Variants in MAP2K1 observed in about 807,000 individuals in gnomAD.
The protein encoded by MAP2K1 is dual specificity mitogen-activated protein kinase kinase 1.
Under a neutral mutation model 46.3 loss-of-function variants are expected in MAP2K1, and 16 were observed. That is an observed-to-expected ratio of 0.35 (90% CI 0.23 to 0.52). MAP2K1 has a LOEUF of 0.52. MAP2K1 is among the 20% of genes least tolerant of loss of function. The pLI is 0.94. For missense variants in MAP2K1, 263 were observed against 497.1 expected (o/e 0.53, Z 4.48); for synonymous variants, 183 against 185.6 (o/e 0.99, Z 0.11).
chr15:66,420,290 T>C (rs2140552487), intron 1 of MAP2K1, among the ~76,000 whole-genome samples: 1 of 147,716 alleles, frequency 6.8e-6, no homozygotes, highest in Middle Eastern at 3.6e-3. Context: ...CTTTCAGCCG[T>C]GCACAGTGGC....
chr15:66,405,592 ACTGGTTGC>A (rs1270772948), intron 1 of MAP2K1, among the ~76,000 whole-genome samples: 1 of 152,144 alleles, frequency 6.6e-6, no homozygotes, highest in Non-Finnish European at 1.5e-5. Context: ...AGTTTTTTGG[ACTGGTTGC>A]CTGTTAGATT....
rs191129863 is a variant in MAP2K1 at position 66,403,872 on chromosome 15, C to T, written c.80+16445C>T. The stretch of plus-strand genomic sequence containing the variant: ...CCCCCTTTGCTGCTTTCATACCACC[C>T]TTTAGTAAACAGTCCTCAAGAATGT... On this transcript the variant is annotated intron_variant, in intron 1 of 10. Transcript: ENST00000307102. Among the ~76,000 whole-genome samples the T allele has an allele frequency of 1.5e-3, 227 of 152,294 alleles. 1 individual carries two copies. The highest frequency in any genetic ancestry group is 5.3e-3 in the African/African-American group (220 of 41,552).
intron 3 of MAP2K1, among the ~76,000 whole-genome samples, chr15:66,440,838 A>T (rs1014758851): frequency 1.3e-5 from 2 of 152,186 alleles, no homozygotes; most frequent in Non-Finnish European, 2.9e-5. Flanking sequence ...GTTGCAGGCA[A>T]CCCTGGGGAA....
chr15:66,394,060 G>A (rs1158566396), intron 1 of MAP2K1, among the ~76,000 whole-genome samples: 2 of 152,156 alleles, frequency 1.3e-5, no homozygotes, highest in African/African-American at 4.8e-5. Flanking sequence ...TCATTGCTCA[G>A]TGTGTAGAAC....
At chr15:66,488,188 T>G (rs1350182870) in intron 8 of MAP2K1, among the ~76,000 whole-genome samples, 1 of 152,192 alleles carries the variant, frequency 6.6e-6, no homozygotes, top group Middle Eastern at 3.2e-3. Flanking sequence ...GAATGGATGC[T>G]GCCTCTGGAG....
intron 1 of MAP2K1, among the ~76,000 whole-genome samples, chr15:66,407,284 A>G (rs569574428): frequency 1.3e-4 from 20 of 152,250 alleles, no homozygotes; most frequent in Non-Finnish European, 2.6e-4. Flanking sequence ...GAAAAGCCCA[A>G]TTTCCCAATC....
intron 1 of MAP2K1, chr15:66,415,067 AC>A: frequency 2.0e-6 from 1 of 505,290 alleles, no homozygotes; most frequent in Admixed American, 2.0e-5. Flanking sequence ...TGCTTGTAGT[AC>A]CAGTAATAAC....
chr15:66,487,222 T>A lies in MAP2K1; in HGVS notation c.896-6T>A. On this transcript the variant is annotated splice_region_variant and splice_polypyrimidine_tract_variant and intron_variant, in intron 7 of 10. Coordinates refer to ENST00000307102, the MANE Select transcript of MAP2K1 (RefSeq NM_002755.4). ...GAAGTATTTTTTCTTTTTATAAAAT[T>A]TGTAGCATACGGAATGGACAGCCGA... 2 of 1,613,588 alleles carry A rather than the reference T, an allele frequency of 1.2e-6. No homozygotes were observed. The highest frequency in any genetic ancestry group is 1.7e-6 in the Non-Finnish European group (2 of 1,179,452).
intron 1 of MAP2K1, among the ~76,000 whole-genome samples, chr15:66,414,560 A>G (rs2093420070): frequency 6.6e-6 from 1 of 152,226 alleles, no homozygotes. Context: ...CAATATGCAC[A>G]GAGTATTATT....
At chr15:66,395,893 A>G (rs1327607910) in intron 1 of MAP2K1, among the ~76,000 whole-genome samples, 1 of 151,652 alleles carries the variant, frequency 6.6e-6, no homozygotes, top group African/African-American at 2.4e-5. Context: ...TTTGTTTTAT[A>G]CTTGCCACTA....
At chr15:66,446,474 T>TCA in intron 5 of MAP2K1, 1 of 172,874 alleles carries the variant, frequency 5.8e-6, no homozygotes, top group Non-Finnish European at 1.2e-5. Flanking sequence ...GGGTACAGCA[T>TCA]CACTTGGATT....
At chr15:66,426,640 T>C (rs1338116007) in intron 1 of MAP2K1, among the ~76,000 whole-genome samples, 1 of 152,196 alleles carries the variant, frequency 6.6e-6, no homozygotes, top group Non-Finnish European at 1.5e-5. Flanking sequence ...TCTTTCACAT[T>C]GTGGTGAAAC....
chr15:66,436,644 T>C, intron 2 of MAP2K1, 102 bp from the exon 3 acceptor site: 1 of 1,155,134 alleles, frequency 8.7e-7, no homozygotes, highest in Non-Finnish European at 1.3e-6. Flanking sequence ...CTGTTTCTCC[T>C]CCCTCTACCT....
intron 5 of MAP2K1, among the ~76,000 whole-genome samples, chr15:66,479,503 C>T (rs1399168622): frequency 2.0e-5 from 3 of 152,142 alleles, no homozygotes; most frequent in South Asian, 2.1e-4. Flanking sequence ...AGACGAGGGT[C>T]GCAGAGGGGT....
At chr15:66,426,081 C>A (rs1380072069) in intron 1 of MAP2K1, among the ~76,000 whole-genome samples, 1 of 151,874 alleles carries the variant, frequency 6.6e-6, no homozygotes, top group Non-Finnish European at 1.5e-5. Flanking sequence ...TCAGCTCTTC[C>A]TGCCAATACA....
Position 66,437,933 on chromosome 15 carries a change from G to T in MAP2K1, c.438+1041G>T, listed in dbSNP as rs74022006. Among the ~76,000 whole-genome samples the T allele has an allele frequency of 5.1e-3, 777 of 151,438 alleles. 8 individuals are homozygous for T. The highest frequency in any genetic ancestry group is 0.018 in the African/African-American group (745 of 41,274). ...TGAACATTTCTGGCTTGGTCCTAGT[G>T]CTTGGCCTGGGGTGCTGATTATTTT... On this transcript the variant is annotated intron_variant, in intron 3 of 10. Coordinates refer to ENST00000307102, the MANE Select transcript of MAP2K1 (RefSeq NM_002755.4).
chr15:66,472,360 T>C (rs1595880686), intron 5 of MAP2K1, among the ~76,000 whole-genome samples: 3 of 152,122 alleles, frequency 2.0e-5, no homozygotes, highest in Admixed American at 2.0e-4. Context: ...CCTTTCGATG[T>C]TGGCTTTCTT....
chr15:66,427,411 T>C (rs1259392347), intron 1 of MAP2K1, among the ~76,000 whole-genome samples: 1 of 151,344 alleles, frequency 6.6e-6, no homozygotes, highest in Non-Finnish European at 1.5e-5. Context: ...TACAAAAAAT[T>C]AGCCGGGTGT....
intron 1 of MAP2K1, 87 bp from the exon 2 acceptor site, chr15:66,434,940 C>G (rs972116934): frequency 1.1e-6 from 1 of 919,610 alleles, no homozygotes; most frequent in African/African-American, 1.6e-5. Context: ...GGCCCCAGAC[C>G]TGGAGCTTTC....
Sources: allele counts gnomAD v4.1 joint callset (sites outside exome capture counted in the v4.1 genomes callset), GRCh38; gene constraint gnomAD v4.1.1; transcripts MANE v1.5; gene names NCBI Gene and HGNC (gene_info 2026-07-23, HGNC 2026-07-21).